Variants in MYRIP observed in about 807,000 individuals in gnomAD.
MYRIP encodes the protein myosin VIIA and Rab interacting protein.
Under a neutral mutation model 98.0 loss-of-function variants are expected in MYRIP, and 49 were observed. The observed-to-expected ratio is 0.50, with a 90% CI of 0.40 to 0.63. The LOEUF (loss-of-function observed/expected upper bound fraction) is 0.63. Among genes scored for constraint, MYRIP ranks in the 30% least tolerant of loss-of-function variants. The pLI is 0.00. For missense variants in MYRIP, 1,004 were observed against 1,058.2 expected, an observed-to-expected ratio of 0.95 and a Z score of 0.71; for synonymous variants, 404 against 409.5, an observed-to-expected ratio of 0.99 and a Z score of 0.16.
At chr3:40,108,176 A>T (rs563631296) in intron 3 of MYRIP, among the ~76,000 whole-genome samples, 221 of 3,820 alleles carry the variant, frequency 0.058, 2 homozygotes, top group South Asian at 0.46. Flanking sequence ...AGTGTTTGTG[A>T]GAGAGAGAGA....
intron 3 of MYRIP, among the ~76,000 whole-genome samples, chr3:40,123,231 G>A (rs939107088): frequency 1.3e-5 from 2 of 152,168 alleles, no homozygotes; most frequent in African/African-American, 2.4e-5. Context: ...CTTAGTGCAG[G>A]CTTATCCAAA....
intron 3 of MYRIP, among the ~76,000 whole-genome samples, chr3:40,075,874 G>C (rs1948332480): frequency 6.6e-6 from 1 of 152,080 alleles, no homozygotes; most frequent in Non-Finnish European, 1.5e-5. Context: ...TTGCCTAACT[G>C]TATTGTCAGG....
At chr3:40,045,769 C>T (rs1489328668) in intron 3 of MYRIP, among the ~76,000 whole-genome samples, 7 of 152,006 alleles carry the variant, frequency 4.6e-5, no homozygotes, top group South Asian at 2.1e-4. Context: ...TTGGGAGTTT[C>T]GTGGGGCTTG....
intron 10 of MYRIP, among the ~76,000 whole-genome samples, chr3:40,204,175 T>TA (rs1406383307): frequency 3.5e-5 from 2 of 57,806 alleles, no homozygotes; most frequent in African/African-American, 1.2e-4. Flanking sequence ...AATATTTATA[T>TA]ATTATATAAT....
intron 2 of MYRIP, among the ~76,000 whole-genome samples, chr3:40,008,513 C>T (rs1024485290): frequency 3.9e-5 from 6 of 152,118 alleles, no homozygotes; most frequent in African/African-American, 1.4e-4. Flanking sequence ...GTTTCCTCTC[C>T]AGGGAAACAG....
rs549048405 is a variant in MYRIP, at chr3:39,873,436, T to C, written c.-30-27351T>C. Among the ~76,000 whole-genome samples, 429 of 152,326 alleles carry C rather than the reference T, an allele frequency of 2.8e-3. 1 individual carries two copies. Among genetic ancestry groups the C allele is most frequent in the South Asian group, 5.2e-3 (25 of 4,824 alleles). Reference sequence around the variant, plus strand: ...CCCATGCCTGTGTCCTGAATGGTAATGCCTAGGTTTTCTTCTAGGATTTTT... The same window carrying C: ...CCCATGCCTGTGTCCTGAATGGTAACGCCTAGGTTTTCTTCTAGGATTTTT... On this transcript the variant is annotated intron_variant, in intron 1 of 16. Transcript: ENST00000302541.
At chr3:39,966,944 G>C (rs192568232) in intron 2 of MYRIP, among the ~76,000 whole-genome samples, 3 of 152,310 alleles carry the variant, frequency 2.0e-5, no homozygotes, top group South Asian at 2.1e-4. Context: ...GCACACAGGA[G>C]ATAGAATGCC....
intron 1 of MYRIP, among the ~76,000 whole-genome samples, chr3:39,889,654 A>G (rs901695553): frequency 2.5e-4 from 38 of 152,210 alleles, no homozygotes; most frequent in African/African-American, 8.9e-4. Flanking sequence ...CATTGTGCAC[A>G]TGTACCCTAA....
At chr3:40,075,219 C>T (rs1356648501) in intron 3 of MYRIP, among the ~76,000 whole-genome samples, 1 of 152,182 alleles carries the variant, frequency 6.6e-6, no homozygotes, top group East Asian at 1.9e-4. Context: ...GGACAGTTTA[C>T]ACATACTTTC....
At chr3:39,967,525 T>A (rs6599068) in intron 2 of MYRIP, among the ~76,000 whole-genome samples, 3 of 152,082 alleles carry the variant, frequency 2.0e-5, no homozygotes, top group African/African-American at 7.2e-5. Flanking sequence ...TTTGCTATTG[T>A]GAGTAATGCT....
At chr3:39,989,679 C>A (rs1281349544) in intron 2 of MYRIP, among the ~76,000 whole-genome samples, 1 of 152,228 alleles carries the variant, frequency 6.6e-6, no homozygotes, top group African/African-American at 2.4e-5. Flanking sequence ...GGCTCAGGCC[C>A]AGGGAGATCA....
At chr3:40,117,465 C>A (rs1949309350) in intron 3 of MYRIP, among the ~76,000 whole-genome samples, 1 of 152,186 alleles carries the variant, frequency 6.6e-6, no homozygotes, top group Non-Finnish European at 1.5e-5. Flanking sequence ...CCAGGTTATT[C>A]CCATTTCTAC....
chr3:40,041,022 G>GAAA, intron 2 of MYRIP, among the ~76,000 whole-genome samples: 652 of 41,124 alleles, frequency 0.016, 21 homozygotes, highest in African/African-American at 0.039. Context: ...ATTACCAGCA[G>GAAA]AAAAAAAAAA....
chr3:40,192,315 T>TATATGAC lies in MYRIP; in HGVS notation c.1665+1856_1665+1857insGACATAT, dbSNP rs144697473. On this transcript the variant is annotated intron_variant, in intron 10 of 16. Coordinates refer to ENST00000302541, the MANE Select transcript of MYRIP (RefSeq NM_015460.4). ...TGCGGCAGTTAGTTTTCTTCATATA[T>TATATGAC]ATATATATATGTCATATATATATAT... 8.5e-4 allele frequency among the ~76,000 whole-genome samples: 18 copies of TATATGAC among 21,148 alleles called. 2 individuals are homozygous for TATATGAC. Among genetic ancestry groups the TATATGAC allele is most frequent in the Non-Finnish European group, 3.6e-3 (17 of 4,658 alleles). 13.9% of individuals were successfully genotyped at this position (21,148 alleles called of 152,430 possible). A position where few individuals can be genotyped will look rare whatever the true frequency, so the allele number is the denominator to read the frequency against.
intron 2 of MYRIP, among the ~76,000 whole-genome samples, chr3:40,013,081 G>A (rs759261102): frequency 6.6e-6 from 1 of 152,104 alleles, no homozygotes; most frequent in Non-Finnish European, 1.5e-5. Flanking sequence ...GCTATTTGCT[G>A]CAAGCTGCAT....
chr3:39,906,090 A>G (rs891131112), intron 2 of MYRIP, among the ~76,000 whole-genome samples: 1 of 151,914 alleles, frequency 6.6e-6, no homozygotes, highest in Non-Finnish European at 1.5e-5. Context: ...TCCTTCTATC[A>G]TGATTATCAT....
intron 2 of MYRIP, among the ~76,000 whole-genome samples, chr3:39,911,968 G>A (rs916068877): frequency 6.6e-5 from 10 of 152,152 alleles, no homozygotes; most frequent in Admixed American, 5.2e-4. Flanking sequence ...TGACTGTCAG[G>A]GTGACTTATA....
intron 4 of MYRIP, among the ~76,000 whole-genome samples, 185 bp from the exon 5 acceptor site, chr3:40,162,545 A>T (rs754169211): frequency 8.5e-5 from 13 of 152,228 alleles, no homozygotes; most frequent in Non-Finnish European, 1.5e-4. Flanking sequence ...GTGTGAGAAG[A>T]AAAAAGCAAT....
rs189871191 is a variant in MYRIP, at chr3:39,900,956, C to T, written c.110+30C>T. ...GATGCCTGTTTTGCTCAGCAGCGTACAGCAAACCACATGTGGACAAGCGTA... is the reference window on the plus strand; with the variant it reads ...GATGCCTGTTTTGCTCAGCAGCGTATAGCAAACCACATGTGGACAAGCGTA... On this transcript the variant is annotated intron_variant, in intron 2 of 16. Transcript: ENST00000302541. 35 of 1,528,338 alleles carry T rather than the reference C, an allele frequency of 2.3e-5. No homozygotes were observed. In the Admixed American group the frequency reaches 5.5e-4, roughly 24 times the overall value. 94.7% of individuals were successfully genotyped at this position (1,528,338 alleles called of 1,614,324 possible).
Sources: allele counts gnomAD v4.1 joint callset (sites outside exome capture counted in the v4.1 genomes callset), GRCh38; gene constraint gnomAD v4.1.1; transcripts MANE v1.5; gene names NCBI Gene and HGNC (gene_info 2026-07-23, HGNC 2026-07-21).